The following SIGLEC5 variants were observed in gnomAD, a reference collection of about 807,000 sequenced individuals.
SIGLEC5 encodes sialic acid-binding Ig-like lectin 5.
A neutral mutation model predicts 45.9 loss-of-function variants in SIGLEC5; 34 were observed. The ratio of observed to expected loss-of-function variants is 0.74; its 90% CI spans 0.56 to 0.99. The LOEUF (loss-of-function observed/expected upper bound fraction) is 0.99. Among genes scored for constraint, SIGLEC5 ranks in the 50% least tolerant of loss-of-function variants. SIGLEC5 has a pLI of 0.00. For missense variants in SIGLEC5, 508 were observed against 629.6 expected (o/e 0.81, Z 2.07); for synonymous variants, 203 against 258.6 (o/e 0.79, Z 2.06).
chr19:51,623,695 GA>G (rs778297029), intron 8 of SIGLEC5, among the ~76,000 whole-genome samples: 3 of 152,112 alleles, frequency 2.0e-5, no homozygotes, highest in Non-Finnish European at 4.4e-5. Context: ...AATTGCTTTG[GA>G]AAGCCATTTT....
chr19:51,626,163 T>G, intron 7 of SIGLEC5, 50 bp from the exon 8 acceptor site: 7 of 1,472,058 alleles, frequency 4.8e-6, no homozygotes, highest in Non-Finnish European at 6.6e-6. Flanking sequence ...AGGCACGGGT[T>G]AGCGGGTTGT....
Position 51,627,708 on chromosome 19 carries a change from C to A in SIGLEC5, c.1036G>T (p.Ala346Ser), listed in dbSNP as rs748153203. 3.1e-6 allele frequency: 5 copies of A among 1,600,840 alleles called. No homozygotes were observed. Among genetic ancestry groups the A allele is most frequent in the Non-Finnish European group, 4.3e-6 (5 of 1,172,264 alleles). ...QLLGPSCSWE[A>S]EGLHCRCSFR... ...GAGCATCTGCAGTGCAGACCCTCAGCCTCCCAGGAGCAGGAGGGGCCCAGC... is the reference window on the plus strand; with the variant it reads ...GAGCATCTGCAGTGCAGACCCTCAGACTCCCAGGAGCAGGAGGGGCCCAGC... The change falls in exon 6 of 9, where the codon GCT becomes TCT. Residue 346 changes from alanine to serine, a missense_variant. Around this residue, in one of 2 missense-constraint regions of SIGLEC5, gnomAD observed 431 missense variants for 428.8 expected, o/e 1.01. Coordinates refer to ENST00000683636, the MANE Select transcript of SIGLEC5 (RefSeq NM_003830.4).
intron 6 of SIGLEC5, 47 bp from the exon 7 acceptor site, chr19:51,627,295 T>G: frequency 6.3e-7 from 1 of 1,582,656 alleles, no homozygotes; most frequent in Non-Finnish European, 8.7e-7. Flanking sequence ...GGACTCAGAC[T>G]CTTGTCCTCC....
intron 3 of SIGLEC5, 69 bp from the exon 4 acceptor site, chr19:51,629,145 C>A: frequency 6.4e-7 from 1 of 1,573,118 alleles, no homozygotes; most frequent in Admixed American, 1.7e-5. Context: ...CAGGAGGTAC[C>A]CAAAGAGGAG....
At chr19:51,618,091 C>T (rs1983133702) in intron 8 of SIGLEC5, among the ~76,000 whole-genome samples, 1 of 150,418 alleles carries the variant, frequency 6.6e-6, no homozygotes, top group Admixed American at 6.7e-5. Flanking sequence ...CATCACTGTG[C>T]CCGGCAAGAT....
intron 8 of SIGLEC5, among the ~76,000 whole-genome samples, chr19:51,614,813 G>A (rs79101753): frequency 0.032 from 4,897 of 152,286 alleles, 109 homozygotes; most frequent in Non-Finnish European, 0.052. Context: ...ATACCTCCCC[G>A]TCATGCAGTT....
At chr19:51,628,571 G>A (rs1983591281) in intron 4 of SIGLEC5, among the ~76,000 whole-genome samples, 1 of 152,174 alleles carries the variant, frequency 6.6e-6, no homozygotes, top group South Asian at 2.1e-4. Flanking sequence ...GCATGAGTGT[G>A]CACCTGTGTG....
intron 7 of SIGLEC5, among the ~76,000 whole-genome samples, chr19:51,626,422 A>C (rs535023522): frequency 6.6e-6 from 1 of 152,342 alleles, no homozygotes; most frequent in South Asian, 2.1e-4. Context: ...ACCCGTCAAC[A>C]GCTGAACCCA....
In SIGLEC5 at chr19:51,626,105, G is replaced by C. The variant is rs559167909; in HGVS notation, c.1391C>G (p.Ala464Gly). 1.9e-5 allele frequency: 30 copies of C among 1,613,602 alleles called. No individual in the cohort carries two copies. In the East Asian group the frequency reaches 5.1e-4, roughly 28 times the overall value. ...LCLIFFLIVK[A>G]RRKQAAGRPE... The stretch of plus-strand genomic sequence containing the variant: ...TCTCCCAGCTGCTTGCTTCCTGCGG[G>C]CTTTCACTCTAAGGAAAGAAACCAG... Residue 464 changes from alanine (A) to glycine (G), a missense_variant, in exon 8 of 9, where the codon GCC (alanine) becomes GGC (glycine). Physicochemically the swap from Ala to Gly is moderately conservative, Grantham distance 60. Transcript: ENST00000683636.
At chr19:51,626,444 C>A (rs752934719) in intron 7 of SIGLEC5, among the ~76,000 whole-genome samples, 1 of 152,090 alleles carries the variant, frequency 6.6e-6, no homozygotes, top group South Asian at 2.1e-4. Flanking sequence ...AAATCAAATG[C>A]GTTCCATTTA....
At chr19:51,619,745 C>G (rs911912385) in intron 8 of SIGLEC5, among the ~76,000 whole-genome samples, 8 of 150,804 alleles carry the variant, frequency 5.3e-5, no homozygotes, top group African/African-American at 2.0e-4. Context: ...CACTAAGAAG[C>G]TAAGTATCCA....
At chr19:51,619,246 T>C (rs528342426) in intron 8 of SIGLEC5, among the ~76,000 whole-genome samples, 1 of 152,256 alleles carries the variant, frequency 6.6e-6, no homozygotes, top group Admixed American at 6.5e-5. Context: ...CATGCCCAGG[T>C]AATTTTTATA....
intron 8 of SIGLEC5, among the ~76,000 whole-genome samples, chr19:51,625,245 CAGA>C (rs1235588886): frequency 2.6e-5 from 4 of 152,188 alleles, no homozygotes; most frequent in Non-Finnish European, 5.9e-5. Context: ...CGTATGGAGA[CAGA>C]AGGCCAGCGT....
chr19:51,625,524 T>C (rs1983443026), intron 8 of SIGLEC5, among the ~76,000 whole-genome samples: 1 of 152,064 alleles, frequency 6.6e-6, no homozygotes. Context: ...ACAAGTTAGT[T>C]TTACTTTTAG....
rs140362980 is a variant in SIGLEC5, at chr19:51,616,859, C to A, written c.1465-4437G>T. On this transcript the variant is annotated intron_variant, in intron 8 of 8. Transcript: ENST00000683636. ...CCAGGAGGCAGAGATTGCAGTGAGC[C>A]GAGATTGTGCCACTGCACTCCAGCC... Among the ~76,000 whole-genome samples, 4 of 118,162 alleles carry A rather than the reference C, an allele frequency of 3.4e-5. No homozygotes were observed. The East Asian group carries it at 1.1e-3, about 34-fold the overall frequency. The allele number at this position is 118,162 out of a possible 152,430, so 77.5% of individuals were successfully genotyped here.
At chr19:51,625,293 C>T (rs959226288) in intron 8 of SIGLEC5, among the ~76,000 whole-genome samples, 1 of 152,232 alleles carries the variant, frequency 6.6e-6, no homozygotes, top group African/African-American at 2.4e-5. Context: ...AGGACAGAAA[C>T]AGGCTGAAGT....
intron 8 of SIGLEC5, among the ~76,000 whole-genome samples, chr19:51,624,425 T>C (rs1983401337): frequency 6.6e-6 from 1 of 152,118 alleles, no homozygotes; most frequent in East Asian, 1.9e-4. Context: ...TTATCACCAA[T>C]GTGTTAGGTC....
intron 8 of SIGLEC5, among the ~76,000 whole-genome samples, chr19:51,624,794 C>T (rs1173108959): frequency 6.6e-6 from 1 of 151,956 alleles, no homozygotes; most frequent in Non-Finnish European, 1.5e-5. Flanking sequence ...CATGGTGAAA[C>T]CCCGTCTCTA....
In SIGLEC5 at chr19:51,628,949, T is replaced by A. The variant is rs113941446; in HGVS notation, c.739+89A>T. The A allele has an allele frequency of 2.3e-6, 3 of 1,299,900 alleles. No individual in the cohort carries two copies. In the African/African-American group the frequency reaches 4.4e-5, roughly 19 times the overall value. The allele number at this position is 1,299,900 out of a possible 1,614,324, so 80.5% of individuals were successfully genotyped here. A position where few individuals can be genotyped will look rare whatever the true frequency, so the allele number is the denominator to read the frequency against. ...AATTCTCATTCTTGCTCTTCCCAAA[T>A]CTGATTGCATTCAAGCTCTGATTCT... On this transcript the variant is annotated intron_variant, in intron 4 of 8. Coordinates refer to ENST00000683636, the MANE Select transcript of SIGLEC5 (RefSeq NM_003830.4).
Sources: allele counts gnomAD v4.1 joint callset (sites outside exome capture counted in the v4.1 genomes callset), GRCh38; gene constraint gnomAD v4.1.1; regional missense constraint gnomAD v4.1.1; transcripts MANE v1.5; gene names NCBI Gene and HGNC (gene_info 2026-07-23, HGNC 2026-07-21).